Variants in JARID2 observed in about 807,000 individuals in gnomAD.
JARID2 encodes jumonji and AT-rich interaction domain containing 2.
JARID2 carries 21 observed loss-of-function variants against 125.6 expected under a neutral mutation model. That is an observed-to-expected ratio of 0.17 (90% CI 0.12 to 0.24). The LOEUF is 0.24. JARID2 is among the 10% of genes least tolerant of loss of function. The pLI is 1.00. For synonymous variants in JARID2, 736 were observed against 661.6 expected (o/e 1.11, Z -1.73); for missense variants, 1,303 against 1,639.6 (o/e 0.79, Z 3.55).
chr6:15,455,603 C>T (rs975849078), intron 4 of JARID2, among the ~76,000 whole-genome samples: 4 of 152,196 alleles, frequency 2.6e-5, no homozygotes, highest in African/African-American at 9.7e-5. Context: ...GCGATCTTGG[C>T]TCACTGCAAC....
chr6:15,402,248 C>G (rs1021983414), intron 2 of JARID2, among the ~76,000 whole-genome samples: 21 of 152,098 alleles, frequency 1.4e-4, no homozygotes, highest in African/African-American at 4.1e-4. Flanking sequence ...TGGCACTTGT[C>G]GATCGAGTTA....
chr6:15,472,047 C>A (rs1303942823), intron 5 of JARID2, among the ~76,000 whole-genome samples: 1 of 149,952 alleles, frequency 6.7e-6, no homozygotes, highest in African/African-American at 2.5e-5. Context: ...AAATTTAATG[C>A]CTGTTAATTC....
intron 1 of JARID2, among the ~76,000 whole-genome samples, chr6:15,264,183 T>C (rs1436862264): frequency 6.6e-6 from 1 of 152,336 alleles, no homozygotes; most frequent in South Asian, 2.1e-4. Context: ...AGAGAGTGCG[T>C]GTTCCGATTC....
At chr6:15,358,987 C>T (rs1321812381) in intron 1 of JARID2, among the ~76,000 whole-genome samples, 1 of 152,200 alleles carries the variant, frequency 6.6e-6, no homozygotes, top group African/African-American at 2.4e-5. Flanking sequence ...CATGCCTGAC[C>T]ACTAGTATTC....
chr6:15,290,785 A>C (rs568333290), intron 1 of JARID2, among the ~76,000 whole-genome samples: 5 of 151,936 alleles, frequency 3.3e-5, no homozygotes, highest in African/African-American at 1.2e-4. Context: ...CGCCCAGTTA[A>C]TTTTTTTTGT....
intron 4 of JARID2, among the ~76,000 whole-genome samples, chr6:15,467,526 C>CTTTTTTT (rs34064637): frequency 7.4e-6 from 1 of 135,068 alleles, no homozygotes; most frequent in Non-Finnish European, 1.6e-5. Flanking sequence ...CTATATTGTG[C>CTTTTTTT]TTTTTTTTTT....
chr6:15,319,217 TTTCA>T (rs1212566858), intron 1 of JARID2, among the ~76,000 whole-genome samples: 1 of 152,210 alleles, frequency 6.6e-6, no homozygotes, highest in Non-Finnish European at 1.5e-5. Flanking sequence ...AGCACAGATC[TTTCA>T]TTCTGTCTTG....
At chr6:15,412,641 A>G (rs1346380896) in intron 3 of JARID2, among the ~76,000 whole-genome samples, 4 of 152,180 alleles carry the variant, frequency 2.6e-5, no homozygotes, top group Admixed American at 6.5e-5. Flanking sequence ...GTATGTAGCA[A>G]GCATAAAATG....
chr6:15,249,810 CAT>C, intron 1 of JARID2, among the ~76,000 whole-genome samples: 1 of 152,322 alleles, frequency 6.6e-6, no homozygotes, highest in East Asian at 1.9e-4. Context: ...TTGAGAAACT[CAT>C]AAGTTGCAGT....
intron 1 of JARID2, among the ~76,000 whole-genome samples, chr6:15,350,852 A>G (rs1479702036): frequency 1.3e-5 from 2 of 151,692 alleles, no homozygotes; most frequent in Non-Finnish European, 2.9e-5. Flanking sequence ...TTTTGATTGC[A>G]AAATAACTCC....
rs185995370 is a variant in JARID2, at chr6:15,487,571, G to T, written c.906+29G>T. On this transcript the variant is annotated intron_variant, in intron 6 of 17. Coordinates refer to ENST00000341776, the MANE Select transcript of JARID2 (RefSeq NM_004973.4). ...AAGTCCAGCAGGGGTGCCTACATGT[G>T]TGCCAGACCCCAGTTTCCCACTTCA... is the stretch of plus-strand genomic sequence containing the variant. 2,459 of 1,527,190 alleles carry T rather than the reference G, an allele frequency of 1.6e-3. 45 individuals carry two copies. The Admixed American group carries it at 0.042, about 26-fold the overall frequency. The allele number at this position is 1,527,190 out of a possible 1,614,324, so 94.6% of individuals were successfully genotyped here. A position where few individuals can be genotyped will look rare whatever the true frequency, so the allele number is the denominator to read the frequency against.
chr6:15,451,004 A>T (rs1767897443), intron 3 of JARID2, among the ~76,000 whole-genome samples: 1 of 152,168 alleles, frequency 6.6e-6, no homozygotes, highest in South Asian at 2.1e-4. Context: ...CTCTACAAAA[A>T]ATACCAAAAT....
At chr6:15,377,172 A>T (rs1764387123) in intron 2 of JARID2, among the ~76,000 whole-genome samples, 1 of 152,188 alleles carries the variant, frequency 6.6e-6, no homozygotes. Context: ...CATACTGCTG[A>T]TAAAGGCATA....
chr6:15,446,880 T>G (rs1317598935), intron 3 of JARID2, among the ~76,000 whole-genome samples: 1 of 152,184 alleles, frequency 6.6e-6, no homozygotes, highest in Non-Finnish European at 1.5e-5. Context: ...CAGAGACAGC[T>G]CTCACATAGG....
intron 1 of JARID2, among the ~76,000 whole-genome samples, chr6:15,274,132 T>G (rs9464782): frequency 0.52 from 79,709 of 151,874 alleles, 21,029 homozygotes; most frequent in African/African-American, 0.59. Context: ...GTTTCACCGT[T>G]TTGGCCAGGC....
rs190288029 is a variant in JARID2 at position 15,487,747 on chromosome 6, T to C, written c.906+205T>C. Among the ~76,000 whole-genome samples the C allele has an allele frequency of 8.5e-5, 13 of 152,362 alleles. No homozygotes were observed. In the East Asian group the frequency reaches 2.3e-3, roughly 27 times the overall value. ...GAAGATCCATCAGTTGGATTTGCAT[T>C]CATCCCTGGGTGCCACTGCATTCAC... On this transcript the variant is annotated intron_variant, in intron 6 of 17. Transcript: ENST00000341776.
chr6:15,358,562 T>C (rs545252067), intron 1 of JARID2, among the ~76,000 whole-genome samples: 2 of 152,350 alleles, frequency 1.3e-5, no homozygotes, highest in South Asian at 2.1e-4. Context: ...TTCTGTTTCT[T>C]GAAGCCAGTA....
intron 3 of JARID2, among the ~76,000 whole-genome samples, chr6:15,416,489 C>G (rs1203663753): frequency 2.6e-5 from 4 of 152,132 alleles, no homozygotes; most frequent in South Asian, 2.1e-4. Context: ...AGCTGGAGAC[C>G]AGCCCGGCCA....
In JARID2 at chr6:15,258,738, C is replaced by T. The variant is rs376316015; in HGVS notation, c.45+12154C>T. Among the ~76,000 whole-genome samples, 9 of 152,246 alleles carry T rather than the reference C, an allele frequency of 5.9e-5. No individual in the cohort carries two copies. The East Asian group carries it at 1.5e-3, about 26-fold the overall frequency. On this transcript the variant is annotated intron_variant, in intron 1 of 17. Transcript: ENST00000341776. ...CAGAGGTTGCAGTGAGCCGAGATTG[C>T]GCCACTGCACTCCAGCCTGGGCAAC... is the stretch of plus-strand genomic sequence containing the variant.
Sources: allele counts gnomAD v4.1 joint callset (sites outside exome capture counted in the v4.1 genomes callset), GRCh38; gene constraint gnomAD v4.1.1; transcripts MANE v1.5; gene names NCBI Gene and HGNC (gene_info 2026-07-23, HGNC 2026-07-21).